GIT1: variants seen among roughly 807,000 people sequenced by gnomAD.
GIT1 encodes ARF GTPase-activating protein GIT1.
A neutral mutation model predicts 91.7 loss-of-function variants in GIT1; 14 were observed. The ratio of observed to expected loss-of-function variants is 0.15; its 90% CI spans 0.10 to 0.24. The LOEUF (loss-of-function observed/expected upper bound fraction) is 0.24, where lower values mean the gene tolerates loss of function less well. Ranked by LOEUF, GIT1 falls within the 10% of genes least tolerant of loss-of-function variation. GIT1 has a pLI of 1.00. For missense variants in GIT1, 717 were observed against 1,024.9 expected (o/e 0.70, Z 4.10); for synonymous variants, 414 against 418.2 (o/e 0.99, Z 0.12).
chr17:29,583,865 G>A (rs2033489853), intron 1 of GIT1: 1 of 497,986 alleles, frequency 2.0e-6, no homozygotes, highest in Admixed American at 3.7e-5. Context: ...GCAGTCCCCA[G>A]GGCCCATTCA....
In GIT1 at chr17:29,575,073, C is replaced by T; in HGVS notation, c.2073+6G>A. 1 of 1,590,646 alleles carries T rather than the reference C, an allele frequency of 6.3e-7. No homozygotes were observed. Among genetic ancestry groups the T allele is most frequent in the Non-Finnish European group, 8.6e-7 (1 of 1,163,818 alleles). On this transcript the variant is annotated splice_donor_region_variant and intron_variant, in intron 19 of 19. Coordinates refer to ENST00000225394, the MANE Select transcript of GIT1 (RefSeq NM_014030.4). This position sits in a 1 kb window ranked among gnomAD's most constrained non-coding sequence, Gnocchi z 5.5. The stretch of plus-strand genomic sequence containing the variant: ...CCACTCCTGGTCCTCTCTTTGGCCC[C>T]TGTACCTTTGGGAAGAGGGAGGCCA...
chr17:29,574,644 G>A lies in GIT1; in HGVS notation c.*58C>T. On this transcript the variant is annotated 3_prime_UTR_variant, in exon 20 of 20. Transcript: ENST00000225394. ...GGGGTGGGGATTAATGTCTGGAGTG[G>A]CCCAGCTCCTATGGCCAGTGAGGTC... 5 of 1,345,094 alleles carry A rather than the reference G, an allele frequency of 3.7e-6. No homozygotes were observed. The highest frequency in any genetic ancestry group is 5.3e-6 in the Non-Finnish European group (5 of 939,534). The allele number at this position is 1,345,094 out of a possible 1,614,324, so 83.3% of individuals were successfully genotyped here. A position where few individuals can be genotyped will look rare whatever the true frequency, so the allele number is the denominator to read the frequency against.
At chr17:29,579,212 T>A in intron 7 of GIT1, 2 of 578,680 alleles carry the variant, frequency 3.5e-6, no homozygotes, top group Non-Finnish European at 6.2e-6. Flanking sequence ...GTCAGCCACC[T>A]GGCAGTCACC....
chr17:29,577,089 C>G, intron 11 of GIT1, 47 bp downstream of exon 11: 1 of 1,607,148 alleles, frequency 6.2e-7, no homozygotes, highest in Non-Finnish European at 8.5e-7. Flanking sequence ...AGGAAAGACC[C>G]CTGGAGCCCC....
At chr17:29,578,674 T>C in intron 8 of GIT1, 57 bp downstream of exon 8, 2 of 1,423,122 alleles carry the variant, frequency 1.4e-6, no homozygotes, top group African/African-American at 1.4e-5. Context: ...GAGCAGAGGG[T>C]GGGGGATCAG....
Position 29,576,989 on chromosome 17 carries a change from G to A in GIT1, c.1101C>T (p.Leu367=), listed in dbSNP as rs868697744. 17 of 1,603,170 alleles carry A rather than the reference G, an allele frequency of 1.1e-5. No individual in the cohort carries two copies. Among genetic ancestry groups the A allele is most frequent in the Middle Eastern group, 1.7e-4 (1 of 6,060 alleles). The change falls in exon 12 of 20, where the codon CTC becomes CTT. Residue 367 remains leucine, a synonymous_variant. Transcript: ENST00000225394. ...CACTCTGGCTCCGCAGAGACAGCTC[G>A]AGGTTGTCTGAGGACACAGGAGTGT... ...GKSLSSPTDN[L]ELSLRSQSDL...
At chr17:29,583,070 C>G in intron 2 of GIT1, 33 bp from the exon 3 acceptor site, 1 of 1,362,126 alleles carries the variant, frequency 7.3e-7, no homozygotes, top group Non-Finnish European at 1.0e-6. Flanking sequence ...GAGAGAGTGC[C>G]CACTGCGTGC....
intron 8 of GIT1, 146 bp downstream of exon 8, chr17:29,578,585 G>GA (rs1379064676): frequency 8.1e-6 from 7 of 867,258 alleles, no homozygotes; most frequent in Non-Finnish European, 9.9e-6. Context: ...GGAGGTCAGG[G>GA]AGAGGGGACT....
rs114160124 is a variant in GIT1, at chr17:29,585,645, T to C, written c.53-2029A>G. ...ACTGTCCTGGTCTGGGCAGCCGCTATTGGTGTCAGCTCATTTCTGGATGAC... is the reference window on the plus strand; with the variant it reads ...ACTGTCCTGGTCTGGGCAGCCGCTACTGGTGTCAGCTCATTTCTGGATGAC... On this transcript the variant is annotated intron_variant, in intron 1 of 19. Transcript: ENST00000225394. Among the ~76,000 whole-genome samples, 178 of 152,294 alleles carry C rather than the reference T, an allele frequency of 1.2e-3. 1 individual carries two copies. Among genetic ancestry groups the C allele is most frequent in the African/African-American group, 4.1e-3 (171 of 41,576 alleles).
intron 1 of GIT1, among the ~76,000 whole-genome samples, chr17:29,587,825 C>T (rs1411985025): frequency 6.6e-6 from 1 of 152,180 alleles, no homozygotes; most frequent in East Asian, 1.9e-4. Flanking sequence ...CCTGCTAAGA[C>T]TCTCCTCCAC....
At position 29,576,139 on chromosome 17, in the gene GIT1, T is replaced by A; in HGVS notation, c.1612-8A>T. 1 of 1,613,670 alleles carries A rather than the reference T, an allele frequency of 6.2e-7. No homozygotes were observed. The highest frequency in any genetic ancestry group is 8.5e-7 in the Non-Finnish European group (1 of 1,179,892). ...GGCGTCGTCCTCTAGCTCCTGGGGA[T>A]GTTAGCACAGCGAGCGTCATGGTGG... On this transcript the variant is annotated splice_region_variant and splice_polypyrimidine_tract_variant and intron_variant, in intron 14 of 19. Transcript: ENST00000225394.
rs781510658 is a variant in GIT1 at position 29,583,088 on chromosome 17, TG to T, written c.187-52del. The T allele has an allele frequency of 1.2e-5, 15 of 1,208,556 alleles. No individual in the cohort carries two copies. The African/African-American group carries it at 1.5e-4, about 12-fold the overall frequency. 74.9% of individuals were successfully genotyped at this position (1,208,556 alleles called of 1,614,324 possible). A position where few individuals can be genotyped will look rare whatever the true frequency, so the allele number is the denominator to read the frequency against. On this transcript the variant is annotated intron_variant, in intron 2 of 19. Transcript: ENST00000225394. ...AGAGTGCCCACTGCGTGCTAAGCAA[TG>T]GGGGAAACACTTCCTGAGCGCCTGC...
Position 29,575,337 on chromosome 17 carries a change from T to G in GIT1, c.1960A>C (p.Lys654Gln). 2 of 1,613,652 alleles carry G rather than the reference T, an allele frequency of 1.2e-6. No individual in the cohort carries two copies. The highest frequency in any genetic ancestry group is 1.7e-6 in the Non-Finnish European group (2 of 1,179,902). ...GCCCGCAACAGTTCCTGAATGTTCT[T>G]GGTGACCTGCTCTGTCTTCAAGATG... ...DVILKTEQVT[K>Q]NIQELLRAAQ... The change falls in exon 18 of 20, where the codon AAG becomes CAG. Residue 654 changes from lysine to glutamine, a missense_variant. Physicochemically the swap from Lys to Gln is moderately conservative, Grantham distance 53. Around this residue, in one of 3 missense-constraint regions of GIT1, gnomAD observed 134 missense variants for 223.8 expected, o/e 0.60. Coordinates refer to ENST00000225394, the MANE Select transcript of GIT1 (RefSeq NM_014030.4). This position sits in a 1 kb window ranked among gnomAD's most constrained non-coding sequence, Gnocchi z 5.5.
At position 29,581,722 on chromosome 17, in the gene GIT1, G is replaced by T; in HGVS notation, c.718+20C>A. 6.3e-7 allele frequency: 1 copy of T among 1,593,100 alleles called. No individual in the cohort carries two copies. Among genetic ancestry groups the T allele is most frequent in the Non-Finnish European group, 8.6e-7 (1 of 1,167,860 alleles). On this transcript the variant is annotated intron_variant, in intron 6 of 19. Coordinates refer to ENST00000225394, the MANE Select transcript of GIT1 (RefSeq NM_014030.4). The surrounding 1 kb of genome is among the most constrained non-coding windows in gnomAD (Gnocchi z 4.8). ...CCAGCCAGGCCTGTCACAGCCAGGC[G>T]CCCCCCAAGCTCTGCTCACCCGGCT...
chr17:29,581,343 A>G lies in GIT1; in HGVS notation c.756T>C (p.Ala252=), dbSNP rs768879846. The G allele has an allele frequency of 2.5e-6, 4 of 1,612,012 alleles. No individual in the cohort carries two copies. In the East Asian group the frequency reaches 6.7e-5, roughly 27 times the overall value. The stretch of plus-strand genomic sequence containing the variant: ...GGCATCAGGTGGGCACTCACCTGTC[A>G]GCCATCTGTGGGATGATGTAATGCC... ...KNGHYIIPQM[A]DSLDLSELAK... The change falls in exon 7 of 20, where the codon GCT becomes GCC. Residue 252 remains alanine (A), a synonymous_variant. Coordinates refer to ENST00000225394, the MANE Select transcript of GIT1 (RefSeq NM_014030.4). This position sits in a 1 kb window ranked among gnomAD's most constrained non-coding sequence, Gnocchi z 4.8.
intron 9 of GIT1, among the ~76,000 whole-genome samples, chr17:29,578,019 G>A (rs1441120697): frequency 6.6e-6 from 1 of 152,208 alleles, no homozygotes; most frequent in Non-Finnish European, 1.5e-5. Context: ...GTGATGCAGG[G>A]GGGTGGAGCG....
Position 29,581,748 on chromosome 17 carries a change from T to C in GIT1, c.712A>G (p.Lys238Glu). The C allele has an allele frequency of 6.2e-7, 1 of 1,609,782 alleles. No individual in the cohort carries two copies. The highest frequency in any genetic ancestry group is 8.5e-7 in the Non-Finnish European group (1 of 1,179,460). Residue 238 changes from lysine (K) to glutamate (E), a missense_variant, in exon 6 of 20, where the codon AAG becomes GAG. Around this residue, in one of 3 missense-constraint regions of GIT1, gnomAD observed 271 missense variants for 451.6 expected, o/e 0.60. Coordinates refer to ENST00000225394, the MANE Select transcript of GIT1 (RefSeq NM_014030.4). This position sits in a 1 kb window ranked among gnomAD's most constrained non-coding sequence, Gnocchi z 4.8. ...CCCCCCAAGCTCTGCTCACCCGGCT[T>C]GCGTCCACAGAGGTAGAAGGCCAGC... ...DRLAFYLCGRKPDHKNGHYII... is the reference protein window; with the variant it reads ...DRLAFYLCGREPDHKNGHYII...
chr17:29,587,939 G>A lies in GIT1; in HGVS notation c.52+1388C>T, dbSNP rs376373719. 3.5e-4 allele frequency among the ~76,000 whole-genome samples: 53 copies of A among 152,238 alleles called. No homozygotes were observed. The East Asian group carries it at 4.8e-3, about 14-fold the overall frequency. On this transcript the variant is annotated intron_variant, in intron 1 of 19. Coordinates refer to ENST00000225394, the MANE Select transcript of GIT1 (RefSeq NM_014030.4). ...CCATCCCCAGACCTGCCTGCAGCTC[G>A]GGGAACGGAGTCACAGTTTCTTAGG...
chr17:29,580,858 G>A (rs897766320), intron 7 of GIT1, among the ~76,000 whole-genome samples: 4 of 151,082 alleles, frequency 2.6e-5, no homozygotes, highest in Non-Finnish European at 1.5e-5. Context: ...TCGGCTCACC[G>A]CAACCTCTAC....
Sources: allele counts gnomAD v4.1 joint callset (sites outside exome capture counted in the v4.1 genomes callset), GRCh38; gene constraint gnomAD v4.1.1; regional missense constraint gnomAD v4.1.1; non-coding constraint Gnocchi (gnomAD v3.1); transcripts MANE v1.5; gene names NCBI Gene and HGNC (gene_info 2026-07-23, HGNC 2026-07-21).